The following P3H2 variants were observed in gnomAD, a reference collection of about 807,000 sequenced individuals.
P3H2 encodes the protein prolyl 3-hydroxylase 2.
In P3H2, 80 loss-of-function variants were observed where a neutral mutation model predicts 87.0. The observed-to-expected ratio is 0.92, with a 90% CI of 0.77 to 1.11. The LOEUF (loss-of-function observed/expected upper bound fraction) is 1.11. Among genes scored for constraint, P3H2 ranks in the 50% least tolerant of loss-of-function variants. P3H2 has a pLI of 0.00. For synonymous variants in P3H2, 367 were observed against 359.3 expected (o/e 1.02, Z -0.24); for missense variants, 1,001 against 923.9 (o/e 1.08, Z -1.08).
At chr3:190,084,230 A>T (rs1727141597) in intron 1 of P3H2, among the ~76,000 whole-genome samples, 1 of 152,230 alleles carries the variant, frequency 6.6e-6, no homozygotes, top group Admixed American at 6.5e-5. Flanking sequence ...CACTTCCTTT[A>T]CACTATGCCA....
chr3:189,983,116 C>T lies in P3H2; in HGVS notation c.1254G>A (p.Glu418=). 6.2e-7 allele frequency: 1 copy of T among 1,613,900 alleles called. No homozygotes were observed. Among genetic ancestry groups the T allele is most frequent in the Non-Finnish European group, 8.5e-7 (1 of 1,179,862 alleles). ...TTGAGAATCCATGAACTTCTGCTCC[C>T]TCTACGTTCACTCCTGAAGGGACCC... ...ENRVPSGVNV[E]GAEVHGFSMG... is the part of the protein sequence containing the mutation. Residue 418 remains glutamate, a synonymous_variant, in exon 8 of 15, where the codon GAG becomes GAA. Coordinates refer to ENST00000319332, the MANE Select transcript of P3H2 (RefSeq NM_018192.4).
At chr3:190,099,036 T>C (rs779967549) in intron 1 of P3H2, among the ~76,000 whole-genome samples, 1 of 152,110 alleles carries the variant, frequency 6.6e-6, no homozygotes, top group Non-Finnish European at 1.5e-5. Context: ...GTGCTTTTTT[T>C]TAAGAAAAAG....
rs1223469732 is a variant in P3H2, at chr3:190,120,400, C to T, written c.332G>A (p.Arg111His). 6.5e-7 allele frequency: 1 copy of T among 1,540,914 alleles called. No individual in the cohort carries two copies. ...EGPGAELPLF[R>H]SLLGRARCYR... ...ACAGCGCGCCCGCCCCAACAAGGAG[C>T]GGAAAAGGGGCAGCTCAGCGCCGGG... Residue 111 changes from arginine to histidine, a missense_variant, in exon 1 of 15, where the codon CGC becomes CAC. By Grantham distance (29) the Arg-to-His change is conservative. Transcript: ENST00000319332.
chr3:189,998,591 C>A (rs1024792689), intron 1 of P3H2, among the ~76,000 whole-genome samples: 3 of 152,104 alleles, frequency 2.0e-5, no homozygotes, highest in Non-Finnish European at 4.4e-5. Context: ...CCCATTAGAG[C>A]TTTCTGTGGA....
chr3:190,002,414 T>C (rs1297801622), intron 1 of P3H2, among the ~76,000 whole-genome samples: 7 of 151,626 alleles, frequency 4.6e-5, no homozygotes, highest in Admixed American at 4.6e-4. Flanking sequence ...TTCTTTTTTT[T>C]TTTTTGAGTT....
chr3:190,046,641 G>C (rs80300013), intron 1 of P3H2, among the ~76,000 whole-genome samples: 122,757 of 151,552 alleles, frequency 0.81, 49,862 homozygotes, highest in East Asian at 0.88. Flanking sequence ...ATCAGATATA[G>C]ATTTAAGAAA....
intron 1 of P3H2, among the ~76,000 whole-genome samples, chr3:190,096,342 T>A (rs564178986): frequency 6.6e-6 from 1 of 152,218 alleles, no homozygotes; most frequent in Admixed American, 6.5e-5. Flanking sequence ...TGATAGTGAG[T>A]GAATTCTCAC....
intron 1 of P3H2, among the ~76,000 whole-genome samples, chr3:190,090,271 G>A (rs974448335): frequency 4.6e-5 from 7 of 151,802 alleles, no homozygotes; most frequent in Non-Finnish European, 7.4e-5. Context: ...GGAGTATACC[G>A]GATCAAAGGC....
At chr3:189,983,884 A>T (rs710556) in intron 7 of P3H2, among the ~76,000 whole-genome samples, 120,354 of 151,898 alleles carry the variant, frequency 0.79, 47,857 homozygotes, top group East Asian at 0.93. Flanking sequence ...TCAGTCCTTT[A>T]AAAAGATGTA....
At chr3:190,068,929 T>G (rs1271284806) in intron 1 of P3H2, among the ~76,000 whole-genome samples, 1 of 152,190 alleles carries the variant, frequency 6.6e-6, no homozygotes, top group Non-Finnish European at 1.5e-5. Flanking sequence ...TCACATTTAA[T>G]ATCCTATTAC....
intron 1 of P3H2, among the ~76,000 whole-genome samples, chr3:190,046,258 A>G (rs1489403719): frequency 1.3e-5 from 2 of 151,762 alleles, no homozygotes; most frequent in African/African-American, 4.8e-5. Context: ...ATCTGGTTCT[A>G]TTTTTTCTGG....
At chr3:190,019,044 T>C (rs1336887023) in intron 1 of P3H2, among the ~76,000 whole-genome samples, 2 of 152,140 alleles carry the variant, frequency 1.3e-5, no homozygotes, top group African/African-American at 4.8e-5. Flanking sequence ...AAAACACATA[T>C]GAATATGTTT....
chr3:190,098,307 C>T (rs1489603104), intron 1 of P3H2, among the ~76,000 whole-genome samples: 2 of 152,124 alleles, frequency 1.3e-5, no homozygotes, highest in East Asian at 1.9e-4. Flanking sequence ...TCTGTGGAAT[C>T]GCTCTTATTG....
At chr3:190,077,112 T>A (rs1726897996) in intron 1 of P3H2, among the ~76,000 whole-genome samples, 1 of 152,198 alleles carries the variant, frequency 6.6e-6, no homozygotes. Flanking sequence ...TTAGCTTCAG[T>A]TGATTCTGAC....
chr3:190,001,278 C>T (rs1380017838), intron 1 of P3H2, among the ~76,000 whole-genome samples: 1 of 152,142 alleles, frequency 6.6e-6, no homozygotes, highest in Non-Finnish European at 1.5e-5. Context: ...TTCTAAAGCA[C>T]ATTAAAACAT....
chr3:190,004,413 C>A (rs925479272), intron 1 of P3H2, among the ~76,000 whole-genome samples: 2 of 152,160 alleles, frequency 1.3e-5, no homozygotes, highest in Non-Finnish European at 2.9e-5. Context: ...GACGGAGTCT[C>A]GCTCTGTCGC....
chr3:190,089,294 A>G (rs1275977654), intron 1 of P3H2, among the ~76,000 whole-genome samples: 1 of 152,224 alleles, frequency 6.6e-6, no homozygotes, highest in Non-Finnish European at 1.5e-5. Context: ...GGTGCAGCAC[A>G]CCAACATAGC....
intron 1 of P3H2, among the ~76,000 whole-genome samples, chr3:190,042,561 G>A (rs1397135528): frequency 6.6e-6 from 1 of 152,144 alleles, no homozygotes; most frequent in Non-Finnish European, 1.5e-5. Context: ...TAAGATGTTA[G>A]TATATTTGTA....
At chr3:190,047,115 A>G (rs1725833216) in intron 1 of P3H2, among the ~76,000 whole-genome samples, 1 of 152,234 alleles carries the variant, frequency 6.6e-6, no homozygotes, top group African/African-American at 2.4e-5. Context: ...AAGAAGACAT[A>G]CAAATGACCA....
Sources: allele counts gnomAD v4.1 joint callset (sites outside exome capture counted in the v4.1 genomes callset), GRCh38; gene constraint gnomAD v4.1.1; transcripts MANE v1.5; gene names NCBI Gene and HGNC (gene_info 2026-07-23, HGNC 2026-07-21).